MED13L: variants seen among roughly 807,000 people sequenced by gnomAD.
MED13L encodes the protein mediator complex subunit 13L.
A neutral mutation model predicts 220.9 loss-of-function variants in MED13L; 7 were observed. The observed-to-expected ratio is 0.03, with a 90% CI of 0.02 to 0.06. The LOEUF (loss-of-function observed/expected upper bound fraction) is 0.06. MED13L is among the 10% of genes least tolerant of loss of function. The pLI, the probability that MED13L is intolerant of heterozygous loss-of-function variation, is 1.00. For synonymous variants in MED13L, 1,011 were observed against 1,015.2 expected (o/e 1.00, Z 0.08); for missense variants, 1,965 against 2,760.5 (o/e 0.71, Z 6.46).
intron 16 of MED13L, among the ~76,000 whole-genome samples, chr12:115,993,099 T>C (rs1195790885): frequency 6.6e-6 from 1 of 152,106 alleles, no homozygotes; most frequent in East Asian, 1.9e-4. Context: ...AATCCAGAGA[T>C]GACTTAAGGT....
chr12:115,986,489 C>T lies in MED13L; in HGVS notation c.4115G>A (p.Gly1372Asp). 6.2e-7 allele frequency: 1 copy of T among 1,613,350 alleles called. No individual in the cohort carries two copies. The change falls in exon 19 of 31, where the codon GGT becomes GAT. Residue 1372 changes from glycine to aspartate, a missense_variant and splice_region_variant. Physicochemically the swap from Gly to Asp is moderately conservative, Grantham distance 94 (BLOSUM62 -1). This residue lies in a region of MED13L where 21 missense variants were observed against 73.9 expected (regional missense o/e 0.28). Coordinates refer to ENST00000281928, the MANE Select transcript of MED13L (RefSeq NM_015335.5). ...CAACGGCTCAGGAGATTCTTCCGAA[C>T]CTAAAATGACATTGTAGTGTAGAAA... ...FHKMAGRGTY[G>D]SEESPEPLPI... is the part of the protein sequence containing the mutation.
rs184559238 is a variant in MED13L at position 116,031,464 on chromosome 12, C to T, written c.480-8863G>A. ...AAAATTAGCCTGGCATGGTGGCGGG[C>T]GCCTGTGGTCCCAGCTACTCAGGAG... On this transcript the variant is annotated intron_variant, in intron 4 of 30. Coordinates refer to ENST00000281928, the MANE Select transcript of MED13L (RefSeq NM_015335.5). Among the ~76,000 whole-genome samples, 456 of 150,890 alleles carry T rather than the reference C, an allele frequency of 3.0e-3. 3 individuals are homozygous for T. The highest frequency in any genetic ancestry group is 0.01 in the African/African-American group (425 of 41,030).
rs140723994 is a variant in MED13L, at chr12:115,966,537, A to G, written c.6226-294T>C. Among the ~76,000 whole-genome samples, 11 of 152,338 alleles carry G rather than the reference A, an allele frequency of 7.2e-5. No individual in the cohort carries two copies. In the East Asian group the frequency reaches 1.9e-3, roughly 27 times the overall value. ...TCATGGCATTATGATGTAACAAACTAAAATGGAAAGATTACAATCTCTGAC... is the reference window on the plus strand; with the variant it reads ...TCATGGCATTATGATGTAACAAACTGAAATGGAAAGATTACAATCTCTGAC... On this transcript the variant is annotated intron_variant, in intron 28 of 30. Transcript: ENST00000281928.
chr12:116,177,759 C>T (rs1880178688), intron 2 of MED13L, among the ~76,000 whole-genome samples: 1 of 152,120 alleles, frequency 6.6e-6, no homozygotes, highest in East Asian at 1.9e-4. Flanking sequence ...TAAAAGAGTT[C>T]ACTGTCATAC....
chr12:116,200,217 T>C (rs1457752565), intron 2 of MED13L, among the ~76,000 whole-genome samples: 3 of 152,190 alleles, frequency 2.0e-5, no homozygotes, highest in Non-Finnish European at 4.4e-5. Context: ...CCCCTGCCTT[T>C]TTTTTAATTA....
chr12:116,245,209 C>T (rs1870996227), intron 1 of MED13L, among the ~76,000 whole-genome samples: 1 of 152,104 alleles, frequency 6.6e-6, no homozygotes, highest in African/African-American at 2.4e-5. Context: ...CCTACCACTG[C>T]CCTCTAAGCA....
chr12:116,019,441 C>T (rs1450734495), intron 6 of MED13L, 29 bp from the exon 7 acceptor site: 1 of 1,608,364 alleles, frequency 6.2e-7, no homozygotes, highest in Admixed American at 1.7e-5. Context: ...AGGAAAGAAT[C>T]AGGACTGAGA....
rs932046104 is a variant in MED13L, at chr12:116,099,824, G to A, written c.396-3072C>T. Among the ~76,000 whole-genome samples the A allele has an allele frequency of 5.3e-5, 8 of 152,216 alleles. No individual in the cohort carries two copies. The South Asian group carries it at 1.2e-3, about 24-fold the overall frequency. ...GAAAACTCTGAGAGTCCAACACTGC[G>A]TGAATAGAGCTCCTTGAGTTCCCAC... is the stretch of plus-strand genomic sequence containing the variant. On this transcript the variant is annotated intron_variant, in intron 3 of 30. Transcript: ENST00000281928.
intron 12 of MED13L, 151 bp from the exon 13 acceptor site, chr12:116,006,144 T>A (rs1464256192): frequency 2.2e-6 from 3 of 1,337,332 alleles, no homozygotes; most frequent in East Asian, 5.0e-5. Context: ...TCCAAATATG[T>A]TTATCAGTTT....
chr12:116,266,687 A>G lies in MED13L; in HGVS notation c.72+10373T>C, dbSNP rs545458407. Among the ~76,000 whole-genome samples, 37 of 152,358 alleles carry G rather than the reference A, an allele frequency of 2.4e-4. 1 individual carries two copies. Among genetic ancestry groups the G allele is most frequent in the African/African-American group, 8.9e-4 (37 of 41,588 alleles). ...GGTAAATAGGCTAACCATCATTTGT[A>G]GCAAGAGATGGGAGTTTTTTTGTGA... On this transcript the variant is annotated intron_variant, in intron 1 of 30. Transcript: ENST00000281928.
intron 2 of MED13L, among the ~76,000 whole-genome samples, chr12:116,217,625 A>G (rs1883082763): frequency 6.6e-6 from 1 of 152,222 alleles, no homozygotes; most frequent in Admixed American, 6.5e-5. Flanking sequence ...ACAGAGGAGA[A>G]GTACTTCCCC....
intron 4 of MED13L, chr12:116,082,649 G>T (rs1027993784): frequency 6.6e-6 from 1 of 151,770 alleles, no homozygotes; most frequent in Non-Finnish European, 1.5e-5. Flanking sequence ...ACGATGACAT[G>T]CAAATTCATG....
chr12:116,231,712 G>C (rs1311833871), intron 2 of MED13L, among the ~76,000 whole-genome samples: 1 of 152,154 alleles, frequency 6.6e-6, no homozygotes, highest in African/African-American at 2.4e-5. Flanking sequence ...TTACGTAAAA[G>C]AGTGCTTCAC....
intron 2 of MED13L, among the ~76,000 whole-genome samples, chr12:116,165,324 T>C (rs893517024): frequency 7.7e-5 from 11 of 142,244 alleles, no homozygotes; most frequent in African/African-American, 2.8e-4. Context: ...AATGCCTATG[T>C]CCACTTTTTT....
chr12:116,276,709 A>G, intron 1 of MED13L: 1 of 562,580 alleles, frequency 1.8e-6, no homozygotes, highest in South Asian at 2.2e-5. Context: ...TTCCACATTT[A>G]CGGGGGGAAA....
At chr12:116,272,472 G>C (rs539654897) in intron 1 of MED13L, among the ~76,000 whole-genome samples, 1 of 151,672 alleles carries the variant, frequency 6.6e-6, no homozygotes. Context: ...TGAGGCAAGA[G>C]AATCCCTTGA....
intron 1 of MED13L, among the ~76,000 whole-genome samples, chr12:116,238,613 C>A (rs547749202): frequency 6.6e-6 from 1 of 152,326 alleles, no homozygotes; most frequent in African/African-American, 2.4e-5. Context: ...TCACGCATCT[C>A]CTTCCCCACA....
At chr12:116,163,881 T>C (rs1879061510) in intron 2 of MED13L, among the ~76,000 whole-genome samples, 1 of 152,146 alleles carries the variant, frequency 6.6e-6, no homozygotes, top group African/African-American at 2.4e-5. Flanking sequence ...AAATTCACAA[T>C]AATGGTATAC....
At chr12:116,183,795 GA>G (rs36143430) in intron 2 of MED13L, among the ~76,000 whole-genome samples, 12 of 135,924 alleles carry the variant, frequency 8.8e-5, no homozygotes, top group Admixed American at 3.1e-4. Flanking sequence ...TTCTTGTGTA[GA>G]AAAAATGGTG....
Sources: gnomAD v4.1 joint callset for allele counts (sites outside exome capture counted in the v4.1 genomes callset) on GRCh38, gnomAD v4.1.1 for gene constraint, gnomAD v4.1.1 regional missense constraint, MANE v1.5 for transcripts, NCBI Gene and HGNC (gene_info 2026-07-23, HGNC 2026-07-21) for gene names.